Variants in NAALADL2 observed in about 807,000 individuals in gnomAD.
NAALADL2 encodes the protein inactive N-acetylated-alpha-linked acidic dipeptidase-like protein 2.
A neutral mutation model predicts 87.2 loss-of-function variants in NAALADL2; 76 were observed. That is an observed-to-expected ratio of 0.87 (90% CI 0.72 to 1.05). The LOEUF (loss-of-function observed/expected upper bound fraction) is 1.05. NAALADL2 is among the 50% of genes least tolerant of loss of function. The probability of loss-of-function intolerance (pLI) is 0.00; values close to 1 mark genes in which losing one functional copy is unlikely to be tolerated. For synonymous variants in NAALADL2, 354 were observed against 331.0 expected (o/e 1.07, Z -0.75); for missense variants, 1,089 against 945.8 (o/e 1.15, Z -1.99).
chr3:175,457,601 C>A (rs1378778814), intron 6 of NAALADL2, among the ~76,000 whole-genome samples: 2 of 152,050 alleles, frequency 1.3e-5, no homozygotes, highest in African/African-American at 4.8e-5. Flanking sequence ...CTAAGTGCAG[C>A]CTTGAACTCT....
chr3:175,455,089 C>G (rs185653575), intron 6 of NAALADL2, among the ~76,000 whole-genome samples: 5 of 152,130 alleles, frequency 3.3e-5, no homozygotes, highest in South Asian at 2.1e-4. Context: ...AGTACTTTAG[C>G]TGTAAGAGAA....
intron 4 of NAALADL2, among the ~76,000 whole-genome samples, chr3:175,274,799 A>G (rs1367525361): frequency 6.6e-6 from 1 of 152,210 alleles, no homozygotes; most frequent in Non-Finnish European, 1.5e-5. Context: ...CTTTGTCTCA[A>G]GCAAGGGTAG....
rs564125122 is a variant in NAALADL2 at position 175,239,849 on chromosome 3, T to G, written c.819+5645T>G. The stretch of plus-strand genomic sequence containing the variant: ...TATAAGGGGAATAGTAACAGTAACT[T>G]TAACGTTTTTTGTGGGGAAGAAATG... On this transcript the variant is annotated intron_variant, in intron 3 of 13. Transcript: ENST00000454872. Among the ~76,000 whole-genome samples, 5 of 152,254 alleles carry G rather than the reference T, an allele frequency of 3.3e-5. No homozygotes were observed. In the South Asian group the frequency reaches 1.0e-3, roughly 32 times the overall value.
chr3:175,369,214 T>C (rs1766110921), intron 5 of NAALADL2, among the ~76,000 whole-genome samples: 1 of 152,140 alleles, frequency 6.6e-6, no homozygotes, highest in African/African-American at 2.4e-5. Context: ...CACCTGACTG[T>C]ATATATATGT....
At position 175,410,431 on chromosome 3, in the gene NAALADL2, G is replaced by C. The variant is rs570937746; in HGVS notation, c.1091-36798G>C. On this transcript the variant is annotated intron_variant, in intron 5 of 13. Coordinates refer to ENST00000454872, the MANE Select transcript of NAALADL2 (RefSeq NM_207015.3). The stretch of plus-strand genomic sequence containing the variant: ...TGAACACTAATTGATGTAGAACCAA[G>C]AACTCCAAAGAAAAATTCAGGAAAC... 2.0e-4 allele frequency among the ~76,000 whole-genome samples: 31 copies of C among 152,106 alleles called. No individual in the cohort carries two copies. The South Asian group carries it at 6.2e-3, about 31-fold the overall frequency.
In NAALADL2 at chr3:175,049,150, G is replaced by A. The variant is rs935724186; in HGVS notation, c.44-47640G>A. 5.9e-5 allele frequency among the ~76,000 whole-genome samples: 9 copies of A among 152,026 alleles called. No individual in the cohort carries two copies. The East Asian group carries it at 1.7e-3, about 29-fold the overall frequency. ...AGGATCCACTGATTATCTGCCTCAG[G>A]TAATCCTGGCTCATCAAGCCATGAT... On this transcript the variant is annotated intron_variant, in intron 1 of 13. Coordinates refer to ENST00000454872, the MANE Select transcript of NAALADL2 (RefSeq NM_207015.3).
chr3:174,958,573 C>CAAAT (rs1741490193), intron 1 of NAALADL2, among the ~76,000 whole-genome samples: 1 of 151,996 alleles, frequency 6.6e-6, no homozygotes, highest in South Asian at 2.1e-4. Flanking sequence ...ACGTGCAGTT[C>CAAAT]AAATCTCTGT....
At chr3:175,391,820 C>T (rs1490715272) in intron 5 of NAALADL2, among the ~76,000 whole-genome samples, 1 of 151,814 alleles carries the variant, frequency 6.6e-6, no homozygotes, top group Non-Finnish European at 1.5e-5. Context: ...CTGCATAATC[C>T]CATGCTTTAC....
intron 1 of NAALADL2, among the ~76,000 whole-genome samples, chr3:174,484,857 G>A (rs981569498): frequency 2.0e-5 from 3 of 148,004 alleles, no homozygotes; most frequent in African/African-American, 7.5e-5. Context: ...ATTTGCTGAC[G>A]GATTTAATGT....
intron 2 of NAALADL2, among the ~76,000 whole-genome samples, chr3:174,693,795 TAGAG>T (rs909074355): frequency 2.0e-5 from 3 of 152,130 alleles, no homozygotes; most frequent in African/African-American, 4.8e-5. Flanking sequence ...GCGTGGTTTA[TAGAG>T]AGTGTGTACA....
intron 1 of NAALADL2, among the ~76,000 whole-genome samples, chr3:174,932,227 T>C (rs1338947635): frequency 6.6e-6 from 1 of 152,052 alleles, no homozygotes; most frequent in Admixed American, 6.6e-5. Flanking sequence ...AGCTAGGATA[T>C]CTCTAACAGC....
chr3:174,775,169 T>C (rs1715057354), intron 3 of NAALADL2, among the ~76,000 whole-genome samples: 1 of 152,156 alleles, frequency 6.6e-6, no homozygotes, highest in Non-Finnish European at 1.5e-5. Context: ...GATATTCATG[T>C]ATTTGAAGTA....
intron 3 of NAALADL2, among the ~76,000 whole-genome samples, chr3:174,740,549 C>CT (rs1281546138): frequency 1.3e-5 from 2 of 151,778 alleles, no homozygotes; most frequent in African/African-American, 4.8e-5. Context: ...TTTAAGAGTA[C>CT]TATAGCTCCT....
chr3:175,288,299 T>C (rs1214753461), intron 4 of NAALADL2, among the ~76,000 whole-genome samples: 1 of 152,100 alleles, frequency 6.6e-6, no homozygotes, highest in African/African-American at 2.4e-5. Flanking sequence ...CTTCAATTGA[T>C]TGGAAAAGGC....
chr3:175,429,456 A>G (rs1717384513), intron 5 of NAALADL2, among the ~76,000 whole-genome samples: 1 of 151,958 alleles, frequency 6.6e-6, no homozygotes, highest in African/African-American at 2.4e-5. Context: ...TTACATATGT[A>G]GTTTCCTTTG....
intron 3 of NAALADL2, among the ~76,000 whole-genome samples, chr3:174,757,737 T>A (rs949641482): frequency 6.6e-6 from 1 of 151,968 alleles, no homozygotes; most frequent in African/African-American, 2.4e-5. Flanking sequence ...ACTCCTGACC[T>A]TGTGATCCAC....
intron 11 of NAALADL2, among the ~76,000 whole-genome samples, chr3:175,667,285 T>G (rs1733324992): frequency 6.6e-6 from 1 of 151,324 alleles, no homozygotes. Flanking sequence ...GATGGGGATC[T>G]GAAGGGGTTA....
intron 5 of NAALADL2, among the ~76,000 whole-genome samples, chr3:175,383,141 G>T (rs1767979090): frequency 6.6e-6 from 1 of 151,906 alleles, no homozygotes; most frequent in Non-Finnish European, 1.5e-5. Flanking sequence ...GAGTAATTGG[G>T]ATATCATTAC....
intron 2 of NAALADL2, among the ~76,000 whole-genome samples, chr3:174,614,474 G>A (rs1720251379): frequency 1.3e-5 from 2 of 152,176 alleles, no homozygotes; most frequent in South Asian, 4.1e-4. Flanking sequence ...TCTAAAACAG[G>A]GCTGCACTGA....
Sources: gnomAD v4.1 joint callset for allele counts (sites outside exome capture counted in the v4.1 genomes callset) on GRCh38, gnomAD v4.1.1 for gene constraint, MANE v1.5 for transcripts, NCBI Gene and HGNC (gene_info 2026-07-23, HGNC 2026-07-21) for gene names.